GALNT14: variants seen among roughly 807,000 people sequenced by gnomAD.
The protein encoded by GALNT14 is polypeptide N-acetylgalactosaminyltransferase 14.
GALNT14 carries 60 observed loss-of-function variants against 77.5 expected under a neutral mutation model. That is an observed-to-expected ratio of 0.77 (90% CI 0.63 to 0.96). The LOEUF (loss-of-function observed/expected upper bound fraction) is 0.96. Among genes scored for constraint, GALNT14 ranks in the 40% least tolerant of loss-of-function variants. The pLI is 0.00. For synonymous variants in GALNT14, 280 were observed against 281.7 expected, an observed-to-expected ratio of 0.99 and a Z score of 0.06; for missense variants, 710 against 731.0, an observed-to-expected ratio of 0.97 and a Z score of 0.33.
intron 1 of GALNT14, among the ~76,000 whole-genome samples, chr2:31,053,257 A>G (rs564436789): frequency 6.6e-6 from 1 of 152,220 alleles, no homozygotes; most frequent in Non-Finnish European, 1.5e-5. Flanking sequence ...CTGTACCCCA[A>G]CATAATAGGT....
At chr2:31,043,583 C>G (rs1432813143) in intron 1 of GALNT14, among the ~76,000 whole-genome samples, 1 of 152,116 alleles carries the variant, frequency 6.6e-6, no homozygotes, top group Non-Finnish European at 1.5e-5. Flanking sequence ...GGGCCATGGT[C>G]TGGCTGTGGG....
At position 30,989,581 on chromosome 2, in the gene GALNT14, T is replaced by TATAA. The variant is rs1384068782; in HGVS notation, c.299+3256_299+3257insTTAT. On this transcript the variant is annotated intron_variant, in intron 2 of 14. Transcript: ENST00000349752. ...TACCTTATATATATATATATATATA[T>TATAA]AAAAATATATATATTAGTAGATATA... Among the ~76,000 whole-genome samples the TATAA allele has an allele frequency of 2.3e-4, 25 of 108,172 alleles. 1 individual carries two copies. The East Asian group carries it at 2.5e-3, about 11-fold the overall frequency. 71.0% of individuals were successfully genotyped at this position (108,172 alleles called of 152,430 possible). A position where few individuals can be genotyped will look rare whatever the true frequency, so the allele number is the denominator to read the frequency against.
downstream of GALNT14, among the ~76,000 whole-genome samples, chr2:30,908,926 T>A (rs1664221997): frequency 6.6e-6 from 1 of 150,930 alleles, no homozygotes; most frequent in Admixed American, 6.6e-5. Flanking sequence ...CTATCTGATC[T>A]TTGACAAACC....
chr2:31,012,194 TC>T (rs1302117508), intron 1 of GALNT14, among the ~76,000 whole-genome samples: 1 of 152,180 alleles, frequency 6.6e-6, no homozygotes, highest in Non-Finnish European at 1.5e-5. Flanking sequence ...CACGGTTGGA[TC>T]CCACTCACAG....
chr2:30,929,454 A>T lies in GALNT14; in HGVS notation c.1092T>A (p.Asp364Glu). 6.2e-7 allele frequency: 1 copy of T among 1,614,210 alleles called. No homozygotes were observed. Among genetic ancestry groups the T allele is most frequent in the Non-Finnish European group, 8.5e-7 (1 of 1,180,012 alleles). Residue 364 changes from aspartate to glutamate, a missense_variant, in exon 11 of 15, where the codon GAT becomes GAA. Asp to Glu is a conservative substitution (Grantham distance 45). Transcript: ENST00000349752. ...NTKRTAEVWM[D>E]EYKQYYYAAR... is the part of the protein sequence containing the mutation. Reference sequence around the variant, plus strand: ...CAGCGTAATAGTATTGCTTGTATTCATCCATCCACACTTCAGCTGTCCGCT... The same window carrying T: ...CAGCGTAATAGTATTGCTTGTATTCTTCCATCCACACTTCAGCTGTCCGCT...
rs571958216 is a variant in GALNT14, at chr2:30,914,635, T to A, written c.1381-2293A>T. 6.6e-5 allele frequency among the ~76,000 whole-genome samples: 10 copies of A among 152,312 alleles called. 1 individual carries two copies. The South Asian group carries it at 2.1e-3, about 32-fold the overall frequency. On this transcript the variant is annotated intron_variant, in intron 13 of 14. Transcript: ENST00000349752. ...CCATAGGATACACACAGTGCTGGCT[T>A]CTAGCCTGAGCCGCCCCGCCTTTTT...
chr2:31,046,400 T>C (rs1163742306), intron 1 of GALNT14, among the ~76,000 whole-genome samples: 1 of 152,130 alleles, frequency 6.6e-6, no homozygotes, highest in Non-Finnish European at 1.5e-5. Context: ...CTAATTTTTT[T>C]TGTATTTTTA....
intron 2 of GALNT14, among the ~76,000 whole-genome samples, chr2:30,981,934 CT>C (rs1212427893): frequency 6.6e-6 from 1 of 152,200 alleles, no homozygotes; most frequent in African/African-American, 2.4e-5. Context: ...CTTCCCCTTA[CT>C]TTATCATGCT....
intron 1 of GALNT14, among the ~76,000 whole-genome samples, chr2:31,066,441 C>A (rs1463100165): frequency 6.6e-6 from 1 of 151,940 alleles, no homozygotes; most frequent in African/African-American, 2.4e-5. Flanking sequence ...GTCCAGCCAT[C>A]TTTAAGGGTC....
chr2:31,031,006 A>C (rs774771080), intron 1 of GALNT14, among the ~76,000 whole-genome samples: 12 of 152,242 alleles, frequency 7.9e-5, no homozygotes, highest in Non-Finnish European at 1.6e-4. Context: ...GAGAAAGCGC[A>C]TGTGTGTAGT....
chr2:31,136,279 C>T (rs1679225712), intron 1 of GALNT14, among the ~76,000 whole-genome samples: 1 of 150,058 alleles, frequency 6.7e-6, no homozygotes, highest in African/African-American at 2.5e-5. Context: ...TCCCTCCAAC[C>T]TCCACATACT....
chr2:31,088,262 A>G (rs1397830600), intron 1 of GALNT14, among the ~76,000 whole-genome samples: 1 of 152,204 alleles, frequency 6.6e-6, no homozygotes, highest in East Asian at 1.9e-4. Flanking sequence ...AAGTCTGGCT[A>G]TCAAGAGAAA....
rs1404534709 is a variant in GALNT14, at chr2:30,987,465, A to ACTCCACATAGACTGGACTGT, written c.299+5353_299+5372dup. 4.6e-5 allele frequency among the ~76,000 whole-genome samples: 7 copies of ACTCCACATAGACTGGACTGT among 152,084 alleles called. 1 individual carries two copies. The highest frequency in any genetic ancestry group is 1.0e-4 in the Non-Finnish European group (7 of 68,022). On this transcript the variant is annotated intron_variant, in intron 2 of 14. Transcript: ENST00000349752. ...CTACTCCTGCCCTCTGCCATCTCAC[A>ACTCCACATAGACTGGACTGT]CTCCACATAGACTGGACTGTCTCTC...
chr2:31,083,857 C>T (rs551138837), intron 1 of GALNT14, among the ~76,000 whole-genome samples: 21 of 152,274 alleles, frequency 1.4e-4, no homozygotes, highest in African/African-American at 5.1e-4. Flanking sequence ...CACCTACTCC[C>T]GCTCATGCTG....
At position 31,061,546 on chromosome 2, in the gene GALNT14, A is replaced by G. The variant is rs530137901; in HGVS notation, c.130-68539T>C. 7.8e-4 allele frequency among the ~76,000 whole-genome samples: 119 copies of G among 152,234 alleles called. 1 individual carries two copies. The highest frequency in any genetic ancestry group is 2.7e-3 in the African/African-American group (114 of 41,540). The stretch of plus-strand genomic sequence containing the variant: ...CAAACAATGACCATAAATTTCCTAA[A>G]ACTGAACAATGACCATAAATTTTGT... On this transcript the variant is annotated intron_variant, in intron 1 of 14. Coordinates refer to ENST00000349752, the MANE Select transcript of GALNT14 (RefSeq NM_024572.4).
chr2:30,986,977 A>G (rs1316644937), intron 2 of GALNT14: 1 of 152,188 alleles, frequency 6.6e-6, no homozygotes, highest in African/African-American at 2.4e-5. Context: ...ATCTGGAATG[A>G]AGAGACCATA....
rs779559345 is a variant in GALNT14, at chr2:30,924,282, G to A, written c.1236-19C>T. On this transcript the variant is annotated intron_variant, in intron 12 of 14. Transcript: ENST00000349752. ...GGGGATGCTGGAGGAGAGTCACAGG[G>A]AGAGAGGAGAGTCCACTGCTCATTG... 4.3e-6 allele frequency: 7 copies of A among 1,613,494 alleles called. No homozygotes were observed. Among genetic ancestry groups the A allele is most frequent in the Middle Eastern group, 1.6e-4 (1 of 6,082 alleles).
chr2:30,901,508 CATATAT>C, the GALNT14 span, among the ~76,000 whole-genome samples: 8 of 150,372 alleles, frequency 5.3e-5, no homozygotes, highest in Admixed American at 4.6e-4. Context: ...TAAATATATT[CATATAT>C]ATATAAATTC....
At chr2:30,904,493 C>T in the GALNT14 span, among the ~76,000 whole-genome samples, 1 of 152,226 alleles carries the variant, frequency 6.6e-6, no homozygotes, top group Non-Finnish European at 1.5e-5. Flanking sequence ...GAATACTGCG[C>T]TTTTCCGACG....
Sources: allele counts gnomAD v4.1 joint callset (sites outside exome capture counted in the v4.1 genomes callset), GRCh38; gene constraint gnomAD v4.1.1; transcripts MANE v1.5; gene names NCBI Gene and HGNC (gene_info 2026-07-23, HGNC 2026-07-21).